The following KCNJ3 variants were observed in gnomAD, a reference collection of about 807,000 sequenced individuals.
KCNJ3 encodes potassium inwardly rectifying channel subfamily J member 3.
KCNJ3 carries 4 observed loss-of-function variants against 39.2 expected under a neutral mutation model. The ratio of observed to expected loss-of-function variants is 0.10; its 90% CI spans 0.05 to 0.23. The LOEUF (loss-of-function observed/expected upper bound fraction) is 0.23, where lower values mean the gene tolerates loss of function less well. Among genes scored for constraint, KCNJ3 ranks in the 10% least tolerant of loss-of-function variants. The pLI is 1.00. For missense variants in KCNJ3, 276 were observed against 634.9 expected (o/e 0.43, Z 6.08); for synonymous variants, 230 against 237.4 (o/e 0.97, Z 0.29).
intron 2 of KCNJ3, among the ~76,000 whole-genome samples, chr2:154,760,307 T>A (rs2961960): frequency 0.49 from 73,930 of 151,634 alleles, 18,105 homozygotes; most frequent in Non-Finnish European, 0.51. Flanking sequence ...ATTTACTGAC[T>A]TGTAGGAGAT....
intron 2 of KCNJ3, among the ~76,000 whole-genome samples, chr2:154,818,355 TA>T (rs1687115878): frequency 6.6e-6 from 1 of 152,118 alleles, no homozygotes; most frequent in African/African-American, 2.4e-5. Context: ...TGTTTTTTTT[TA>T]TTTTGACACA....
chr2:154,780,905 C>A (rs747885041), intron 2 of KCNJ3, among the ~76,000 whole-genome samples: 1 of 152,066 alleles, frequency 6.6e-6, no homozygotes, highest in Non-Finnish European at 1.5e-5. Context: ...AAATATGCTG[C>A]GTTACTTGAC....
At chr2:154,778,243 A>C (rs548159530) in intron 2 of KCNJ3, among the ~76,000 whole-genome samples, 1 of 152,156 alleles carries the variant, frequency 6.6e-6, no homozygotes, top group Admixed American at 6.5e-5. Flanking sequence ...TTGAAAAAAA[A>C]ATTTCTGAAA....
At chr2:154,700,827 T>A (rs1362232273) in intron 1 of KCNJ3, among the ~76,000 whole-genome samples, 6 of 152,204 alleles carry the variant, frequency 3.9e-5, no homozygotes, top group Admixed American at 6.5e-5. Context: ...TTAAAGCAGT[T>A]CACTTGTCCT....
rs992998558 is a variant in KCNJ3, at chr2:154,717,412, G to A, written c.919+7593G>A. On this transcript the variant is annotated intron_variant, in intron 2 of 2. Transcript: ENST00000295101. ...CTCTGGCTCCAGGTGGAGGATGTGCGGCTGAGACTGGAGACAGCCCAGTTA... is the reference window on the plus strand; with the variant it reads ...CTCTGGCTCCAGGTGGAGGATGTGCAGCTGAGACTGGAGACAGCCCAGTTA... Among the ~76,000 whole-genome samples the A allele has an allele frequency of 2.0e-4, 30 of 152,134 alleles. 1 individual carries two copies. Among genetic ancestry groups the A allele is most frequent in the Admixed American group, 7.2e-4 (11 of 15,274 alleles).
Position 154,835,578 on chromosome 2 carries a change from A to G in KCNJ3, c.920-19149A>G, listed in dbSNP as rs182572994. Among the ~76,000 whole-genome samples the G allele has an allele frequency of 6.0e-4, 91 of 151,580 alleles. 1 individual carries two copies. The East Asian group carries it at 0.017, about 29-fold the overall frequency. On this transcript the variant is annotated intron_variant, in intron 2 of 2. Coordinates refer to ENST00000295101, the MANE Select transcript of KCNJ3 (RefSeq NM_002239.4). ...ATACCTGTGGATAAGTTTGGCCACA[A>G]CGTAAACCTTTTCTTCACCAATTAT...
chr2:154,853,770 G>A (rs1217636765), intron 2 of KCNJ3, among the ~76,000 whole-genome samples: 3 of 151,962 alleles, frequency 2.0e-5, no homozygotes, highest in South Asian at 2.1e-4. Context: ...TAACACAATC[G>A]AAATAAATGA....
intron 2 of KCNJ3, among the ~76,000 whole-genome samples, chr2:154,748,876 A>G (rs998382607): frequency 6.6e-6 from 1 of 152,116 alleles, no homozygotes; most frequent in Non-Finnish European, 1.5e-5. Context: ...ACATATTAAC[A>G]GTTATCTGTC....
chr2:154,812,545 A>C (rs1255791948), intron 2 of KCNJ3, among the ~76,000 whole-genome samples: 1 of 152,196 alleles, frequency 6.6e-6, no homozygotes, highest in African/African-American at 2.4e-5. Flanking sequence ...TTGAGAAGAC[A>C]AATTAGAAAC....
rs561903822 is a variant in KCNJ3 at position 154,708,426 on chromosome 2, C to T, written c.703-1177C>T. Among the ~76,000 whole-genome samples, 129 of 152,216 alleles carry T rather than the reference C, an allele frequency of 8.5e-4. 2 individuals carry two copies. Among genetic ancestry groups the T allele is most frequent in the Middle Eastern group, 3.4e-3 (1 of 294 alleles). ...GGAACTCTGAGAGTAAGAATTTTGT[C>T]TTCAAACTATCACTTCATTGGGCAG... On this transcript the variant is annotated intron_variant, in intron 1 of 2. Coordinates refer to ENST00000295101, the MANE Select transcript of KCNJ3 (RefSeq NM_002239.4).
At chr2:154,719,002 T>C (rs988906213) in intron 2 of KCNJ3, among the ~76,000 whole-genome samples, 4 of 152,164 alleles carry the variant, frequency 2.6e-5, no homozygotes, top group African/African-American at 9.6e-5. Flanking sequence ...TGCGTCATAG[T>C]GCAGTTACAA....
At chr2:154,830,870 A>G (rs1349735653) in intron 2 of KCNJ3, among the ~76,000 whole-genome samples, 1 of 152,198 alleles carries the variant, frequency 6.6e-6, no homozygotes. Flanking sequence ...TTAATTTACT[A>G]TTTTTATCTT....
At chr2:154,836,488 G>A (rs192474675) in intron 2 of KCNJ3, among the ~76,000 whole-genome samples, 3,564 of 152,008 alleles carry the variant, frequency 0.023, 76 homozygotes, top group Non-Finnish European at 0.038. Context: ...TGTAGTTTAG[G>A]AAACTTTTAA....
chr2:154,829,669 C>T (rs140069976), intron 2 of KCNJ3, among the ~76,000 whole-genome samples: 126 of 152,122 alleles, frequency 8.3e-4, no homozygotes, highest in African/African-American at 2.6e-3. Flanking sequence ...CTAGGTCATA[C>T]GGTAATTTTA....
rs138746115 is a variant in KCNJ3, at chr2:154,708,663, C to G, written c.703-940C>G. ...GCTTGTGCATGATTATTATATGTGA[C>G]CGATATGGAAAATAAAGATAAAAGG... On this transcript the variant is annotated intron_variant, in intron 1 of 2. Transcript: ENST00000295101. Among the ~76,000 whole-genome samples the G allele has an allele frequency of 2.8e-3, 419 of 152,050 alleles. 3 individuals carry two copies. Among genetic ancestry groups the G allele is most frequent in the African/African-American group, 9.6e-3 (400 of 41,468 alleles).
intron 2 of KCNJ3, among the ~76,000 whole-genome samples, chr2:154,717,039 T>A (rs1457081098): frequency 6.6e-6 from 1 of 152,202 alleles, no homozygotes; most frequent in African/African-American, 2.4e-5. Flanking sequence ...AGCAGGGACC[T>A]AGAGGAGTGG....
chr2:154,761,134 T>C (rs75819987), intron 2 of KCNJ3, among the ~76,000 whole-genome samples: 15,213 of 150,588 alleles, frequency 0.1, 821 homozygotes, highest in East Asian at 0.2. Context: ...CTTTTTGGTC[T>C]GTAATCCTTT....
At chr2:154,706,464 G>T (rs1409785185) in intron 1 of KCNJ3, among the ~76,000 whole-genome samples, 1 of 152,038 alleles carries the variant, frequency 6.6e-6, no homozygotes, top group Non-Finnish European at 1.5e-5. Flanking sequence ...TATCAGTGGT[G>T]CCAATTTATT....
At chr2:154,854,676 C>G in intron 2 of KCNJ3, 51 bp from the exon 3 acceptor site, 3 of 1,392,594 alleles carry the variant, frequency 2.2e-6, no homozygotes, top group Non-Finnish European at 2.0e-6. Context: ...ACCGGCTTTA[C>G]ATGTGCTTCC....
Sources: gnomAD v4.1 joint callset for allele counts (sites outside exome capture counted in the v4.1 genomes callset) on GRCh38, gnomAD v4.1.1 for gene constraint, MANE v1.5 for transcripts, NCBI Gene and HGNC (gene_info 2026-07-23, HGNC 2026-07-21) for gene names.